The following MAP4K5 variants were observed in gnomAD, a reference collection of about 807,000 sequenced individuals.
MAP4K5 encodes MAPK/ERK kinase kinase kinase 5.
MAP4K5 carries 82 observed loss-of-function variants against 135.6 expected under a neutral mutation model. The observed-to-expected ratio is 0.60, with a 90% CI of 0.51 to 0.73. MAP4K5 has a LOEUF of 0.73. MAP4K5 is among the 30% of genes least tolerant of loss of function. MAP4K5 has a pLI of 0.00. For synonymous variants in MAP4K5, 347 were observed against 335.0 expected, an observed-to-expected ratio of 1.04 and a Z score of -0.39; for missense variants, 907 against 1,010.9, an observed-to-expected ratio of 0.90 and a Z score of 1.39.
intron 2 of MAP4K5, among the ~76,000 whole-genome samples, chr14:50,537,645 C>T (rs899309820): frequency 1.3e-5 from 2 of 152,362 alleles, no homozygotes; most frequent in Admixed American, 6.5e-5. Flanking sequence ...CTGCCCAAGA[C>T]CATGGGAACC....
intron 3 of MAP4K5, among the ~76,000 whole-genome samples, chr14:50,491,236 A>C (rs900651409): frequency 6.6e-6 from 1 of 152,124 alleles, no homozygotes; most frequent in African/African-American, 2.4e-5. Flanking sequence ...ACAGTAGATC[A>C]CAGATTTAAT....
chr14:50,450,869 A>G (rs572601980), intron 14 of MAP4K5, among the ~76,000 whole-genome samples: 2 of 152,370 alleles, frequency 1.3e-5, no homozygotes, highest in East Asian at 1.9e-4. Flanking sequence ...ATTGTATTAC[A>G]TTGTCCAAGA....
At chr14:50,456,414 T>A in intron 14 of MAP4K5, 102 bp downstream of exon 14, 1 of 834,052 alleles carries the variant, frequency 1.2e-6, no homozygotes, top group Non-Finnish European at 2.0e-6. Flanking sequence ...TATGTTGAAG[T>A]ATGTAGCCTT....
chr14:50,526,601 T>C (rs2038271039), intron 2 of MAP4K5, among the ~76,000 whole-genome samples: 1 of 152,248 alleles, frequency 6.6e-6, no homozygotes, highest in African/African-American at 2.4e-5. Flanking sequence ...TGGCCACGTC[T>C]GTTTTCTTGA....
intron 1 of MAP4K5, among the ~76,000 whole-genome samples, chr14:50,554,146 C>T (rs2038737737): frequency 6.6e-6 from 1 of 151,812 alleles, no homozygotes; most frequent in Admixed American, 6.6e-5. Flanking sequence ...AATACGTACC[C>T]TTAGAGGCAC....
chr14:50,551,393 CA>C (rs199519048), intron 1 of MAP4K5, among the ~76,000 whole-genome samples: 16 of 149,064 alleles, frequency 1.1e-4, no homozygotes, highest in African/African-American at 2.9e-4. Flanking sequence ...TTAAAATTGC[CA>C]AAAAAAAAAT....
intron 27 of MAP4K5, 128 bp from the exon 28 acceptor site, chr14:50,434,699 A>C: frequency 1.2e-6 from 1 of 845,588 alleles, no homozygotes; most frequent in Non-Finnish European, 1.8e-6. Flanking sequence ...GATTACCTCT[A>C]AGATGATAAG....
At chr14:50,462,545 GT>G (rs1440327752) in intron 13 of MAP4K5, 119 bp downstream of exon 13, 1 of 676,514 alleles carries the variant, frequency 1.5e-6, no homozygotes, top group African/African-American at 1.9e-5. Context: ...ATTAATCTCT[GT>G]AGCTAAACCT....
At chr14:50,509,230 C>T (rs2037878782) in intron 2 of MAP4K5, among the ~76,000 whole-genome samples, 1 of 137,818 alleles carries the variant, frequency 7.3e-6, no homozygotes, top group Non-Finnish European at 1.6e-5. Flanking sequence ...AGGGGCCTGT[C>T]ATGGGGTGGG....
At position 50,419,459 on chromosome 14, in the gene MAP4K5, T is replaced by C. The variant is rs1185515434; in HGVS notation, c.*560A>G. 6.6e-6 allele frequency: 1 copy of C among 152,650 alleles called. No individual in the cohort carries two copies. Among genetic ancestry groups the C allele is most frequent in the Non-Finnish European group, 1.5e-5 (1 of 68,086 alleles). 9.5% of individuals were successfully genotyped at this position (152,650 alleles called of 1,614,324 possible). A position where few individuals can be genotyped will look rare whatever the true frequency, so the allele number is the denominator to read the frequency against. Reference sequence around the variant, plus strand: ...TCTTAAAAGATAAACAAAATTCTTATACATTATAAAAAAAATTTAAGCTGC... The same window carrying C: ...TCTTAAAAGATAAACAAAATTCTTACACATTATAAAAAAAATTTAAGCTGC... On this transcript the variant is annotated 3_prime_UTR_variant, in exon 33 of 33. Coordinates refer to ENST00000682126, the MANE Select transcript of MAP4K5 (RefSeq NM_006575.6).
chr14:50,551,920 A>C (rs896033203), intron 1 of MAP4K5, among the ~76,000 whole-genome samples: 1 of 152,180 alleles, frequency 6.6e-6, no homozygotes. Context: ...AAACAAGGAA[A>C]ATTTGAAAGC....
chr14:50,496,402 T>A (rs78530213), intron 3 of MAP4K5, among the ~76,000 whole-genome samples: 4 of 152,112 alleles, frequency 2.6e-5, no homozygotes, highest in Non-Finnish European at 5.9e-5. Context: ...ACTGAAATTT[T>A]AAAAATATTA....
At chr14:50,477,931 ATTG>A (rs988148287) in intron 6 of MAP4K5, among the ~76,000 whole-genome samples, 1 of 152,056 alleles carries the variant, frequency 6.6e-6, no homozygotes, top group East Asian at 1.9e-4. Flanking sequence ...CTCTTGTAAG[ATTG>A]TTGTCTAATT....
At chr14:50,558,207 A>G (rs1311475529) in intron 1 of MAP4K5, among the ~76,000 whole-genome samples, 2 of 152,160 alleles carry the variant, frequency 1.3e-5, no homozygotes, top group Non-Finnish European at 2.9e-5. Flanking sequence ...TCTACATACA[A>G]AAACAGCCAG....
intron 2 of MAP4K5, among the ~76,000 whole-genome samples, chr14:50,506,179 T>A (rs1672509864): frequency 6.6e-6 from 1 of 152,008 alleles, no homozygotes; most frequent in African/African-American, 2.4e-5. Context: ...TAAATCAAAT[T>A]TTCTGAGGAA....
intron 14 of MAP4K5, chr14:50,449,079 T>C: frequency 2.5e-6 from 1 of 404,758 alleles, no homozygotes; most frequent in Non-Finnish European, 4.3e-6. Context: ...AACAGTTCTT[T>C]TTGTATAAAA....
At chr14:50,484,892 T>C (rs914665840) in intron 5 of MAP4K5, among the ~76,000 whole-genome samples, 9 of 152,156 alleles carry the variant, frequency 5.9e-5, no homozygotes, top group African/African-American at 2.2e-4. Flanking sequence ...CGTAATTCTT[T>C]AAAACAAATT....
At chr14:50,521,316 A>C (rs2038146885) in intron 2 of MAP4K5, among the ~76,000 whole-genome samples, 1 of 152,208 alleles carries the variant, frequency 6.6e-6, no homozygotes, top group African/African-American at 2.4e-5. Flanking sequence ...GCCTCATCTG[A>C]CCATAATATG....
intron 32 of MAP4K5, among the ~76,000 whole-genome samples, chr14:50,420,476 A>G (rs1317535091): frequency 1.3e-5 from 2 of 151,886 alleles, no homozygotes; most frequent in Non-Finnish European, 1.5e-5. Flanking sequence ...ACAAAAAAAA[A>G]TAATAATTAG....
Sources: allele counts gnomAD v4.1 joint callset (sites outside exome capture counted in the v4.1 genomes callset), GRCh38; gene constraint gnomAD v4.1.1; transcripts MANE v1.5; gene names NCBI Gene and HGNC (gene_info 2026-07-23, HGNC 2026-07-21).